The following CAMKK1 variants were observed in gnomAD, a reference collection of about 807,000 sequenced individuals.
CAMKK1 encodes calcium/calmodulin dependent protein kinase kinase 1.
A neutral mutation model predicts 63.5 loss-of-function variants in CAMKK1; 20 were observed. That is an observed-to-expected ratio of 0.32 (90% CI 0.22 to 0.46). The LOEUF (loss-of-function observed/expected upper bound fraction) is 0.46, where lower values mean the gene tolerates loss of function less well. Among genes scored for constraint, CAMKK1 ranks in the 20% least tolerant of loss-of-function variants. CAMKK1 has a pLI of 1.00. For synonymous variants in CAMKK1, 253 were observed against 269.0 expected (o/e 0.94, Z 0.58); for missense variants, 588 against 658.1 (o/e 0.89, Z 1.17).
At chr17:3,865,096 G>GT (rs1394884553) in intron 15 of CAMKK1, 1 of 981,072 alleles carries the variant, frequency 1.0e-6, no homozygotes, top group African/African-American at 1.7e-5. Context: ...CCACGCTGTG[G>GT]TTCAGGACCC....
At chr17:3,864,937 G>A (rs556350101) in intron 15 of CAMKK1, among the ~76,000 whole-genome samples, 2 of 152,312 alleles carry the variant, frequency 1.3e-5, no homozygotes, top group South Asian at 4.1e-4. Flanking sequence ...ACAGCGTGAA[G>A]CCAAGGCACC....
intron 12 of CAMKK1, 150 bp downstream of exon 12, chr17:3,872,403 TC>T (rs2054928104): frequency 1.5e-6 from 1 of 645,376 alleles, no homozygotes; most frequent in Non-Finnish European, 2.8e-6. Flanking sequence ...GTCCCTCCCG[TC>T]CATCTATTCA....
At position 3,885,566 on chromosome 17, in the gene CAMKK1, C is replaced by A. The variant is rs1310090786; in HGVS notation, c.122G>T (p.Gly41Val). ...TCTGGCCCGTGGTGGGGGGTCCACACCGTTTCTAGTAGGCTCTGGGCCACC... is the reference window on the plus strand; with the variant it reads ...TCTGGCCCGTGGTGGGGGGTCCACAACGTTTCTAGTAGGCTCTGGGCCACC... ...ADGGPEPTRN[G>V]VDPPPRARAA... Residue 41 changes from glycine to valine, a missense_variant, in exon 2 of 16, where the codon GGT (glycine) becomes GTT (valine). Around this residue, in one of 3 missense-constraint regions of CAMKK1, gnomAD observed 357 missense variants for 407.4 expected, o/e 0.88. Coordinates refer to ENST00000348335, the MANE Select transcript of CAMKK1 (RefSeq NM_032294.3). The A allele has an allele frequency of 2.5e-6, 4 of 1,614,072 alleles. No individual in the cohort carries two copies. The highest frequency in any genetic ancestry group is 3.4e-6 in the Non-Finnish European group (4 of 1,180,028).
intron 12 of CAMKK1, among the ~76,000 whole-genome samples, chr17:3,871,333 G>GGTTTT (rs1567617833): frequency 1.6e-4 from 18 of 111,020 alleles, no homozygotes; most frequent in African/African-American, 2.9e-4. Flanking sequence ...GTTGTTTTTT[G>GGTTTT]TTTTTTTTTT....
rs2055548160 is a variant in CAMKK1, at chr17:3,884,326, G to C, written c.408+54C>G. Reference sequence around the variant, plus strand: ...TCCCTCCCACACGAGAGAAGGAGCAGCGCCAAACAGAGAATCCCGAAGCCC... The same window carrying C: ...TCCCTCCCACACGAGAGAAGGAGCACCGCCAAACAGAGAATCCCGAAGCCC... On this transcript the variant is annotated intron_variant, in intron 3 of 15. Transcript: ENST00000348335. This position sits in a 1 kb window ranked among gnomAD's most constrained non-coding sequence, Gnocchi z 4.5. The C allele has an allele frequency of 6.3e-7, 1 of 1,580,834 alleles. No homozygotes were observed. The highest frequency in any genetic ancestry group is 1.3e-5 in the African/African-American group (1 of 74,296).
intron 10 of CAMKK1, 100 bp downstream of exon 10, chr17:3,876,123 C>T (rs2055138739): frequency 4.4e-6 from 5 of 1,146,182 alleles, no homozygotes; most frequent in Non-Finnish European, 6.1e-6. Flanking sequence ...ACTCCCTAGA[C>T]ACAAAGACCC....
At chr17:3,876,764 T>G (rs1447720169) in intron 9 of CAMKK1, among the ~76,000 whole-genome samples, 12 of 110,150 alleles carry the variant, frequency 1.1e-4, no homozygotes, top group African/African-American at 4.5e-4. Context: ...TTGGTTTTTT[T>G]TTTTTTTTTT....
chr17:3,870,028 T>G (rs1004821614), intron 12 of CAMKK1, 140 bp from the exon 13 acceptor site: 3 of 680,542 alleles, frequency 4.4e-6, no homozygotes, highest in Admixed American at 4.7e-5. Context: ...CAACAAGGGC[T>G]TGGAGAGCCT....
At chr17:3,867,274 G>A (rs565489943) in intron 14 of CAMKK1, among the ~76,000 whole-genome samples, 33 of 152,324 alleles carry the variant, frequency 2.2e-4, no homozygotes, top group African/African-American at 7.9e-4. Context: ...CCCGGGCAGA[G>A]GGAAGCGAAG....
rs2054302850 is a variant in CAMKK1 at position 3,860,392 on chromosome 17, C to G, written c.*1819G>C. On this transcript the variant is annotated 3_prime_UTR_variant, in exon 16 of 16. Coordinates refer to ENST00000348335, the MANE Select transcript of CAMKK1 (RefSeq NM_032294.3). ...TCCTGGGAAGTTAATTTTTAAAACA[C>G]TCTTATAGAGTTTGCTCATCGCTTG... 1 of 152,476 alleles carries G rather than the reference C, an allele frequency of 6.6e-6. No homozygotes were observed. Among genetic ancestry groups the G allele is most frequent in the South Asian group, 2.1e-4 (1 of 4,828 alleles). 9.4% of individuals were successfully genotyped at this position (152,476 alleles called of 1,614,324 possible). A position where few individuals can be genotyped will look rare whatever the true frequency, so the allele number is the denominator to read the frequency against.
intron 14 of CAMKK1, among the ~76,000 whole-genome samples, chr17:3,868,170 C>CAGGCGCAGTCTAACTGATACACAGGA: frequency 2.7e-4 from 1 of 3,744 alleles, no homozygotes. Context: ...GATACGTGGG[C>CAGGCGCAGTCTAACTGATACACAGGA]TCTGGGGGAG....
rs867974545 is a variant in CAMKK1 at position 3,862,264 on chromosome 17, C to T, written c.1465G>A (p.Gly489Arg). The T allele has an allele frequency of 4.4e-6, 7 of 1,588,310 alleles. No homozygotes were observed. The highest frequency in any genetic ancestry group is 6.0e-6 in the Non-Finnish European group (7 of 1,166,448). Reference sequence around the variant, plus strand: ...CCGGGGAGCTCTGGGCTCTTGCCCCCTTCACCAAACCCTTCTTTCCTGTTC... The same window carrying T: ...CCGGGGAGCTCTGGGCTCTTGCCCCTTTCACCAAACCCTTCTTTCCTGTTC... ...NLLVKEGFGE[G>R]GKSPELPGVQ... is the part of the protein sequence containing the mutation. Residue 489 changes from glycine (G) to arginine (R), a missense_variant, in exon 16 of 16, where the codon GGG (glycine) becomes AGG (arginine). By Grantham distance (125) the Gly-to-Arg change is moderately radical. Around this residue, in one of 3 missense-constraint regions of CAMKK1, gnomAD observed 226 missense variants for 229.2 expected, o/e 0.99. Transcript: ENST00000348335. This position sits in a 1 kb window ranked among gnomAD's most constrained non-coding sequence, Gnocchi z 4.1.
intron 8 of CAMKK1, among the ~76,000 whole-genome samples, chr17:3,880,914 T>C (rs2055383714): frequency 6.6e-6 from 1 of 152,228 alleles, no homozygotes. Context: ...ATTTCTTGTT[T>C]TGGATAGAGG....
rs2054311519 is a variant in CAMKK1, at chr17:3,860,763, C to T, written c.*1448G>A. 6.6e-6 allele frequency: 1 copy of T among 152,248 alleles called. No homozygotes were observed. The highest frequency in any genetic ancestry group is 1.5e-5 in the Non-Finnish European group (1 of 68,056). The allele number at this position is 152,248 out of a possible 1,614,324, so 9.4% of individuals were successfully genotyped here. The stretch of plus-strand genomic sequence containing the variant: ...TGTATTACAGATGCATGTACCAGTG[C>T]AGGACATACGAGTGAGCTGTGTGCA... On this transcript the variant is annotated 3_prime_UTR_variant, in exon 16 of 16. Coordinates refer to ENST00000348335, the MANE Select transcript of CAMKK1 (RefSeq NM_032294.3).
At chr17:3,891,708 C>T (rs772435564) in intron 1 of CAMKK1, among the ~76,000 whole-genome samples, 34 of 152,224 alleles carry the variant, frequency 2.2e-4, no homozygotes, top group East Asian at 1.9e-4. Context: ...GGAGGTGGCA[C>T]CTGAGCTCTC....
chr17:3,864,065 A>C (rs1597434708), intron 15 of CAMKK1, among the ~76,000 whole-genome samples: 2 of 145,428 alleles, frequency 1.4e-5, no homozygotes, highest in Non-Finnish European at 1.5e-5. Flanking sequence ...CAATCCTCCC[A>C]CCTCAGCCTC....
At chr17:3,871,333 G>GGTT (rs1567617833) in intron 12 of CAMKK1, among the ~76,000 whole-genome samples, 4 of 111,004 alleles carry the variant, frequency 3.6e-5, no homozygotes, top group African/African-American at 1.3e-4. Context: ...GTTGTTTTTT[G>GGTT]TTTTTTTTTT....
At position 3,883,099 on chromosome 17, in the gene CAMKK1, G is replaced by C; in HGVS notation, c.591C>G (p.Tyr197Ter). The C allele has an allele frequency of 6.2e-7, 1 of 1,613,706 alleles. No individual in the cohort carries two copies. The highest frequency in any genetic ancestry group is 8.5e-7 in the Non-Finnish European group (1 of 1,179,974). ...GCTTCTTCAGGATGGCAATCTCCTGGTACACCCGCTCCAGGGGCAGCAGCT... is the reference window on the plus strand; with the variant it reads ...GCTTCTTCAGGATGGCAATCTCCTGCTACACCCGCTCCAGGGGCAGCAGCT... ...AKQLLPLERV[Y>*]QEIAILKKLD... Residue 197 changes from tyrosine (Y) to a stop codon, truncating the protein, a stop_gained, in exon 6 of 16, where the codon TAC becomes TAG. Transcript: ENST00000348335. LOFTEE classifies it high-confidence loss of function. This position sits in a 1 kb window ranked among gnomAD's most constrained non-coding sequence, Gnocchi z 4.7.
chr17:3,862,212 C>T lies in CAMKK1; in HGVS notation c.1517G>A (p.Ter506=), dbSNP rs1342931929. Residue 506 remains the stop codon, a stop_retained_variant, in exon 16 of 16, where the codon TGA becomes TAA. Transcript: ENST00000348335. This position sits in a 1 kb window ranked among gnomAD's most constrained non-coding sequence, Gnocchi z 4.1. ...PGVQEDEAAS[*] is the part of the protein sequence containing the mutation. ...GTGGCCCTGGGTGCATGCAGGGGCT[C>T]AGGATGCAGCCTCGTCTTCCTGGAC... 1 of 1,583,596 alleles carries T rather than the reference C, an allele frequency of 6.3e-7. No homozygotes were observed. Among genetic ancestry groups the T allele is most frequent in the Non-Finnish European group, 8.6e-7 (1 of 1,164,400 alleles).
Sources: allele counts gnomAD v4.1 joint callset (sites outside exome capture counted in the v4.1 genomes callset), GRCh38; gene constraint gnomAD v4.1.1; regional missense constraint gnomAD v4.1.1; non-coding constraint Gnocchi (gnomAD v3.1); transcripts MANE v1.5; gene names NCBI Gene and HGNC (gene_info 2026-07-23, HGNC 2026-07-21).